Variants in TRIM37 observed in about 807,000 individuals in gnomAD.
TRIM37 encodes tripartite motif containing 37.
Under a neutral mutation model 129.8 loss-of-function variants are expected in TRIM37, and 80 were observed. That is an observed-to-expected ratio of 0.62 (90% confidence interval 0.51 to 0.74). The LOEUF is 0.74. TRIM37 is among the 30% of genes least tolerant of loss of function. The probability of loss-of-function intolerance (pLI) is 0.00; values close to 1 mark genes in which losing one functional copy is unlikely to be tolerated. For missense variants in TRIM37, 1,054 were observed against 1,176.5 expected, an observed-to-expected ratio of 0.90 and a Z score of 1.52; for synonymous variants, 389 against 387.1, an observed-to-expected ratio of 1.00 and a Z score of -0.06.
intron 17 of TRIM37, among the ~76,000 whole-genome samples, chr17:59,041,492 T>C (rs551221878): frequency 2.6e-5 from 4 of 152,348 alleles, no homozygotes; most frequent in Admixed American, 2.6e-4. Context: ...TCAATTACTC[T>C]CATTTACTAA....
chr17:59,060,993 A>T, intron 12 of TRIM37, 39 bp downstream of exon 12: 5 of 1,503,324 alleles, frequency 3.3e-6, no homozygotes, highest in Non-Finnish European at 4.6e-6. Flanking sequence ...GAAGGTATGT[A>T]AATGCACATT....
intron 22 of TRIM37, among the ~76,000 whole-genome samples, chr17:59,009,020 A>C (rs1287762992): frequency 1.3e-5 from 2 of 152,196 alleles, no homozygotes; most frequent in Non-Finnish European, 2.9e-5. Context: ...CTCATCCCTT[A>C]GGATGATCTT....
chr17:59,030,195 TC>T (rs1353347941), intron 18 of TRIM37, among the ~76,000 whole-genome samples: 1 of 152,138 alleles, frequency 6.6e-6, no homozygotes, highest in Non-Finnish European at 1.5e-5. Context: ...AACCTCCGAC[TC>T]CCAGGTTTAA....
chr17:59,103,532 G>C (rs1448709036), intron 2 of TRIM37, among the ~76,000 whole-genome samples: 1 of 151,554 alleles, frequency 6.6e-6, no homozygotes, highest in Non-Finnish European at 1.5e-5. Flanking sequence ...AGTAGAGATG[G>C]GGTTTCACCA....
At chr17:59,064,000 C>T (rs564899204) in intron 10 of TRIM37, among the ~76,000 whole-genome samples, 17 of 152,106 alleles carry the variant, frequency 1.1e-4, no homozygotes, top group Admixed American at 2.6e-4. Context: ...TGGTGGCACA[C>T]GCTTGTAGTC....
chr17:58,992,420 G>A (rs2032540942), intron 24 of TRIM37, among the ~76,000 whole-genome samples: 1 of 150,724 alleles, frequency 6.6e-6, no homozygotes, highest in African/African-American at 2.4e-5. Context: ...CACTCTTTTT[G>A]CCCAGGCTGG....
chr17:59,014,460 T>C (rs1323768781), intron 21 of TRIM37, among the ~76,000 whole-genome samples: 3 of 152,148 alleles, frequency 2.0e-5, no homozygotes, highest in South Asian at 4.1e-4. Context: ...GGAAGTTTAA[T>C]TGCCATGCCG....
chr17:58,973,032 G>T, the TRIM37 span: 1 of 690,480 alleles, frequency 1.4e-6, no homozygotes, highest in Non-Finnish European at 2.5e-6. Flanking sequence ...TTACCAGAAT[G>T]CTTATTATTC....
chr17:59,044,716 G>T (rs2039593918), intron 16 of TRIM37, among the ~76,000 whole-genome samples: 1 of 152,142 alleles, frequency 6.6e-6, no homozygotes, highest in Non-Finnish European at 1.5e-5. Flanking sequence ...TAAAAGTATA[G>T]GGGAGGATGT....
At chr17:59,025,185 A>G (rs2037095376) in intron 19 of TRIM37, among the ~76,000 whole-genome samples, 1 of 152,110 alleles carries the variant, frequency 6.6e-6, no homozygotes, top group Non-Finnish European at 1.5e-5. Flanking sequence ...TGTTTCATTC[A>G]TTTGGGGAAA....
chr17:59,035,733 C>T lies in TRIM37; in HGVS notation c.1754-3643G>A, dbSNP rs535369849. ...CTGCATTCCAGCTTGGGCAACAGAGCGAGATTCAAAAAAACAAAAAAACAA... is the reference window on the plus strand; with the variant it reads ...CTGCATTCCAGCTTGGGCAACAGAGTGAGATTCAAAAAAACAAAAAAACAA... On this transcript the variant is annotated intron_variant, in intron 17 of 23. Coordinates refer to ENST00000262294, the MANE Select transcript of TRIM37 (RefSeq NM_015294.6). Among the ~76,000 whole-genome samples the T allele has an allele frequency of 2.9e-4, 44 of 150,726 alleles. 1 individual carries two copies. Among genetic ancestry groups the T allele is most frequent in the African/African-American group, 1.0e-3 (42 of 40,980 alleles).
chr17:59,081,964 A>AAAAAAAAAAAAAAAAATAAT (rs1568200247), intron 5 of TRIM37, among the ~76,000 whole-genome samples: 1 of 87,224 alleles, frequency 1.1e-5, no homozygotes, highest in Non-Finnish European at 2.2e-5. Flanking sequence ...AAAAAAAAAA[A>AAAAAAAAAAAAAAAAATAAT]AATAATAATA....
intron 24 of TRIM37, among the ~76,000 whole-genome samples, chr17:58,987,928 T>C (rs941802632): frequency 2.0e-5 from 3 of 152,182 alleles, no homozygotes; most frequent in African/African-American, 4.8e-5. Context: ...CTCCGGGATG[T>C]AGGGGTAGAA....
At chr17:59,028,223 A>C (rs989746629) in intron 19 of TRIM37, among the ~76,000 whole-genome samples, 192 bp downstream of exon 19, 3 of 152,222 alleles carry the variant, frequency 2.0e-5, no homozygotes, top group African/African-American at 7.2e-5. Flanking sequence ...AGAGTAAGCA[A>C]TCAAGAAATG....
chr17:59,070,707 CTA>C (rs1374018309), intron 9 of TRIM37, 114 bp downstream of exon 9: 3 of 1,182,008 alleles, frequency 2.5e-6, no homozygotes, highest in Admixed American at 2.3e-5. Flanking sequence ...GAGACCCTAT[CTA>C]TAAAAGAAAA....
intron 9 of TRIM37, among the ~76,000 whole-genome samples, chr17:59,066,779 C>T (rs559165989): frequency 2.6e-5 from 4 of 152,276 alleles, no homozygotes; most frequent in African/African-American, 9.6e-5. Context: ...ATACTTACTT[C>T]CCCTATCACC....
intron 18 of TRIM37, among the ~76,000 whole-genome samples, chr17:59,029,716 A>G (rs2037630526): frequency 6.6e-6 from 1 of 152,216 alleles, no homozygotes; most frequent in African/African-American, 2.4e-5. Context: ...CCTGGCCAAC[A>G]TGGTGAAACC....
intron 2 of TRIM37, among the ~76,000 whole-genome samples, chr17:59,103,241 G>A (rs1459939871): frequency 6.6e-6 from 1 of 152,184 alleles, no homozygotes; most frequent in Non-Finnish European, 1.5e-5. Context: ...ATAAATAATT[G>A]AAGGGGAATG....
chr17:59,029,565 A>G (rs1015274149), intron 18 of TRIM37, among the ~76,000 whole-genome samples: 9 of 152,146 alleles, frequency 5.9e-5, no homozygotes, highest in African/African-American at 1.9e-4. Context: ...TGTTCACTAA[A>G]TATGTGTTAA....
Sources: allele counts gnomAD v4.1 joint callset (sites outside exome capture counted in the v4.1 genomes callset), GRCh38; gene constraint gnomAD v4.1.1; transcripts MANE v1.5; gene names NCBI Gene and HGNC (gene_info 2026-07-23, HGNC 2026-07-21).